The following GPC6 variants were observed in gnomAD, a reference collection of about 807,000 sequenced individuals.
GPC6 encodes glypican-6.
Under a neutral mutation model 55.2 loss-of-function variants are expected in GPC6, and 14 were observed. The ratio of observed to expected loss-of-function variants is 0.25; its 90% confidence interval spans 0.17 to 0.40. The LOEUF (loss-of-function observed/expected upper bound fraction) is 0.40. GPC6 is among the 10% of genes least tolerant of loss of function. The pLI is 1.00. For missense variants in GPC6, 641 were observed against 708.5 expected (o/e 0.90, Z 1.08); for synonymous variants, 278 against 259.6 (o/e 1.07, Z -0.68).
chr13:93,853,757 T>C (rs1176693392), intron 3 of GPC6, among the ~76,000 whole-genome samples: 1 of 151,686 alleles, frequency 6.6e-6, no homozygotes, highest in African/African-American at 2.4e-5. Flanking sequence ...TTTCTGAATT[T>C]CTTTACTGAT....
chr13:93,724,099 T>A (rs1376538442), intron 2 of GPC6, among the ~76,000 whole-genome samples: 1 of 152,022 alleles, frequency 6.6e-6, no homozygotes, highest in African/African-American at 2.4e-5. Context: ...TATTTTTTTT[T>A]TACTACAAGT....
chr13:93,531,501 C>T (rs1881867517), intron 1 of GPC6, among the ~76,000 whole-genome samples: 1 of 151,994 alleles, frequency 6.6e-6, no homozygotes, highest in African/African-American at 2.4e-5. Flanking sequence ...TTAGGCCTGC[C>T]CACATTATTG....
chr13:93,326,037 A>G (rs1335847009), intron 1 of GPC6, among the ~76,000 whole-genome samples: 1 of 152,114 alleles, frequency 6.6e-6, no homozygotes, highest in Non-Finnish European at 1.5e-5. Context: ...GAATTATCTG[A>G]CAGCTTCCAG....
intron 1 of GPC6, among the ~76,000 whole-genome samples, chr13:93,513,321 C>A (rs1566398154): frequency 6.6e-6 from 1 of 152,172 alleles, no homozygotes; most frequent in Non-Finnish European, 1.5e-5. Context: ...ATGACAGTTA[C>A]AATTGACCTT....
chr13:93,816,052 T>C (rs76348275), intron 2 of GPC6, among the ~76,000 whole-genome samples: 4,334 of 152,258 alleles, frequency 0.028, 203 homozygotes, highest in African/African-American at 0.097. Flanking sequence ...ATCATCTTAT[T>C]CATCAAATCC....
rs184861815 is a variant in GPC6, at chr13:93,339,977, G to C, written c.160+112361G>C. ...TTATTGTATAAGTGTGCTAATGTAT[G>C]GTTTAGTTAATAATAATCCATTCAA... On this transcript the variant is annotated intron_variant, in intron 1 of 8. Coordinates refer to ENST00000377047, the MANE Select transcript of GPC6 (RefSeq NM_005708.5). Among the ~76,000 whole-genome samples, 5 of 149,478 alleles carry C rather than the reference G, an allele frequency of 3.3e-5. No homozygotes were observed. The East Asian group carries it at 9.8e-4, about 29-fold the overall frequency.
At position 94,359,518 on chromosome 13, in the gene GPC6, T is replaced by A. The variant is rs1225893743; in HGVS notation, c.1153-22896T>A. ...CACAGTGTAACCTCACATGCCAGCA[T>A]GATCATTATACTATGACTTTCCAGT... On this transcript the variant is annotated intron_variant, in intron 6 of 8. Transcript: ENST00000377047. Among the ~76,000 whole-genome samples the A allele has an allele frequency of 3.3e-5, 5 of 152,338 alleles. No homozygotes were observed. In the East Asian group the frequency reaches 9.7e-4, roughly 29 times the overall value.
At chr13:94,127,230 G>C (rs937664534) in intron 4 of GPC6, among the ~76,000 whole-genome samples, 3 of 152,014 alleles carry the variant, frequency 2.0e-5, no homozygotes, top group African/African-American at 7.2e-5. Flanking sequence ...TTGGATATTT[G>C]TCCCTGCCCA....
At chr13:94,066,806 C>T (rs749881912) in intron 4 of GPC6, among the ~76,000 whole-genome samples, 7 of 152,170 alleles carry the variant, frequency 4.6e-5, no homozygotes, top group Non-Finnish European at 1.0e-4. Flanking sequence ...CAACCACTTT[C>T]CCTTTATAAG....
At chr13:94,078,486 A>G (rs1168101260) in intron 4 of GPC6, among the ~76,000 whole-genome samples, 1 of 151,782 alleles carries the variant, frequency 6.6e-6, no homozygotes, top group Non-Finnish European at 1.5e-5. Flanking sequence ...CAAAGATAAA[A>G]TTGACAAACT....
At chr13:93,504,956 A>G (rs1438924307) in intron 1 of GPC6, among the ~76,000 whole-genome samples, 1 of 152,172 alleles carries the variant, frequency 6.6e-6, no homozygotes, top group Non-Finnish European at 1.5e-5. Context: ...ACACAGTACA[A>G]ATCTGTACCT....
rs373326848 is a variant in GPC6, at chr13:93,635,124, AT to A, written c.319+89706del. Among the ~76,000 whole-genome samples the A allele has an allele frequency of 4.1e-3, 625 of 151,880 alleles. 8 individuals carry two copies. The highest frequency in any genetic ancestry group is 0.014 in the African/African-American group (581 of 41,292). ...TTCTCACAAATTTGATTCTAGATGA[AT>A]TTGGCATAATACAGCTTTTTTTTTT... On this transcript the variant is annotated intron_variant, in intron 2 of 8. Coordinates refer to ENST00000377047, the MANE Select transcript of GPC6 (RefSeq NM_005708.5).
At chr13:93,342,197 T>A (rs1880281991) in intron 1 of GPC6, among the ~76,000 whole-genome samples, 1 of 152,088 alleles carries the variant, frequency 6.6e-6, no homozygotes. Context: ...TGATGTAGGT[T>A]CTTAGGGACA....
chr13:94,386,370 A>C (rs1880408847), intron 7 of GPC6, among the ~76,000 whole-genome samples: 1 of 151,274 alleles, frequency 6.6e-6, no homozygotes, highest in African/African-American at 2.4e-5. Flanking sequence ...AAAAAAAAAA[A>C]AAGAAAAGAA....
chr13:93,604,823 G>A (rs879302851), intron 2 of GPC6, among the ~76,000 whole-genome samples: 5 of 128,920 alleles, frequency 3.9e-5, no homozygotes, highest in South Asian at 2.2e-4. Context: ...CTCGTAACTG[G>A]TAGACATAAA....
intron 2 of GPC6, among the ~76,000 whole-genome samples, chr13:93,704,368 A>G (rs1882774410): frequency 6.6e-6 from 1 of 152,016 alleles, no homozygotes; most frequent in Non-Finnish European, 1.5e-5. Flanking sequence ...ACAATGCAAA[A>G]TAAAAGCTAG....
At chr13:93,979,592 A>C (rs1318412707) in intron 3 of GPC6, among the ~76,000 whole-genome samples, 1 of 152,090 alleles carries the variant, frequency 6.6e-6, no homozygotes, top group Non-Finnish European at 1.5e-5. Context: ...AAGCATTTAG[A>C]AGACTTACAG....
At chr13:93,325,331 C>G (rs1879616046) in intron 1 of GPC6, among the ~76,000 whole-genome samples, 1 of 152,056 alleles carries the variant, frequency 6.6e-6, no homozygotes, top group Non-Finnish European at 1.5e-5. Context: ...TTTTTAAGGT[C>G]TAATGTGGCT....
chr13:93,608,035 G>A (rs906585874), intron 2 of GPC6, among the ~76,000 whole-genome samples: 5 of 23,338 alleles, frequency 2.1e-4, no homozygotes, highest in African/African-American at 5.8e-4. Flanking sequence ...GGCACTTGGA[G>A]TATTTTTTTT....
Sources: gnomAD v4.1 joint callset for allele counts (sites outside exome capture counted in the v4.1 genomes callset) on GRCh38, gnomAD v4.1.1 for gene constraint, MANE v1.5 for transcripts, NCBI Gene and HGNC (gene_info 2026-07-23, HGNC 2026-07-21) for gene names.